Variants in PCDH9 observed in about 807,000 individuals in gnomAD.
PCDH9 encodes protocadherin 9.
Under a neutral mutation model 70.6 loss-of-function variants are expected in PCDH9, and 24 were observed. That is an observed-to-expected ratio of 0.34 (90% CI 0.25 to 0.48). The LOEUF (loss-of-function observed/expected upper bound fraction) is 0.48, where lower values mean the gene tolerates loss of function less well. PCDH9 is among the 20% of genes least tolerant of loss of function. The pLI is 0.99. For synonymous variants in PCDH9, 562 were observed against 558.5 expected, an observed-to-expected ratio of 1.01 and a Z score of -0.09; for missense variants, 1,281 against 1,503.6, an observed-to-expected ratio of 0.85 and a Z score of 2.45.
intron 2 of PCDH9, among the ~76,000 whole-genome samples, chr13:66,982,637 G>A (rs753909742): frequency 2.0e-5 from 3 of 152,112 alleles, no homozygotes; most frequent in Non-Finnish European, 4.4e-5. Context: ...TCTCAGAAAT[G>A]TCTTAGATAA....
intron 4 of PCDH9, among the ~76,000 whole-genome samples, chr13:66,418,887 T>TA (rs1324728742): frequency 6.6e-6 from 1 of 151,854 alleles, no homozygotes; most frequent in Non-Finnish European, 1.5e-5. Flanking sequence ...AATAGACATG[T>TA]AAAAAAATGA....
intron 3 of PCDH9, among the ~76,000 whole-genome samples, chr13:66,845,218 G>C (rs2081186529): frequency 6.6e-6 from 1 of 152,186 alleles, no homozygotes; most frequent in South Asian, 2.1e-4. Context: ...CTTATGCTAA[G>C]GGGCAGCTGT....
At chr13:66,817,424 C>T (rs1014719003) in intron 3 of PCDH9, among the ~76,000 whole-genome samples, 1 of 151,846 alleles carries the variant, frequency 6.6e-6, no homozygotes, top group Non-Finnish European at 1.5e-5. Flanking sequence ...TCTAATGAAC[C>T]CTTCACAATA....
intron 4 of PCDH9, among the ~76,000 whole-genome samples, chr13:66,445,850 A>C (rs2094739397): frequency 6.7e-6 from 1 of 149,008 alleles, no homozygotes; most frequent in Non-Finnish European, 1.5e-5. Flanking sequence ...AAGCATACAC[A>C]TATATAAAGA....
intron 2 of PCDH9, among the ~76,000 whole-genome samples, chr13:67,097,828 T>C (rs2086354864): frequency 6.6e-6 from 1 of 152,074 alleles, no homozygotes; most frequent in South Asian, 2.1e-4. Context: ...TGTTGTGGGG[T>C]ATATTACAAG....
At chr13:66,828,518 G>T (rs775117473) in intron 3 of PCDH9, among the ~76,000 whole-genome samples, 22 of 151,992 alleles carry the variant, frequency 1.4e-4, no homozygotes, top group Non-Finnish European at 2.5e-4. Context: ...TAAGCCATGG[G>T]CATCTATAAA....
At chr13:66,544,497 A>G (rs1566405599) in intron 4 of PCDH9, among the ~76,000 whole-genome samples, 1 of 152,204 alleles carries the variant, frequency 6.6e-6, no homozygotes, top group Non-Finnish European at 1.5e-5. Flanking sequence ...CCAGGAAAGA[A>G]TTCAAGAAAG....
At chr13:66,708,237 G>C (rs573808802) in intron 3 of PCDH9, among the ~76,000 whole-genome samples, 2 of 151,308 alleles carry the variant, frequency 1.3e-5, no homozygotes, top group African/African-American at 2.4e-5. Flanking sequence ...TTTTAGTAGA[G>C]ACGGGGTTTC....
At chr13:66,859,619 A>G (rs1434266933) in intron 3 of PCDH9, among the ~76,000 whole-genome samples, 1 of 152,222 alleles carries the variant, frequency 6.6e-6, no homozygotes, top group Non-Finnish European at 1.5e-5. Context: ...ATACTGTTTC[A>G]GGTAAAGTAA....
In PCDH9 at chr13:66,783,835, T is replaced by C. The variant is rs190015773; in HGVS notation, c.3138+119669A>G. On this transcript the variant is annotated intron_variant, in intron 3 of 4. Transcript: ENST00000377865. ...TTACTTTAGGTACAACATAACAGTA[T>C]TAAAATACCTTTAGTATTATCAAAC... Among the ~76,000 whole-genome samples the C allele has an allele frequency of 2.8e-3, 420 of 152,276 alleles. 2 individuals are homozygous for C. Among genetic ancestry groups the C allele is most frequent in the African/African-American group, 9.6e-3 (401 of 41,566 alleles).
At chr13:67,041,813 A>G (rs2085120143) in intron 2 of PCDH9, among the ~76,000 whole-genome samples, 1 of 139,910 alleles carries the variant, frequency 7.1e-6, no homozygotes. Flanking sequence ...CCTGGGCCAC[A>G]GAGTGAGACT....
intron 2 of PCDH9, among the ~76,000 whole-genome samples, chr13:67,008,902 T>C (rs748143977): frequency 6.7e-4 from 102 of 152,132 alleles, no homozygotes; most frequent in Non-Finnish European, 1.2e-3. Flanking sequence ...TAAATTCTCA[T>C]AGAACAAGAA....
At chr13:66,737,431 T>A (rs190028394) in intron 3 of PCDH9, among the ~76,000 whole-genome samples, 20 of 152,110 alleles carry the variant, frequency 1.3e-4, no homozygotes, top group Non-Finnish European at 2.5e-4. Flanking sequence ...CCCACATGAG[T>A]TGGCAGTCTA....
chr13:66,322,513 C>A (rs1166501267), intron 4 of PCDH9, among the ~76,000 whole-genome samples: 2 of 151,970 alleles, frequency 1.3e-5, no homozygotes, highest in African/African-American at 4.8e-5. Context: ...TATGATTTAC[C>A]ATCTTGCACT....
chr13:66,382,390 TGGTTAC>T (rs2138245511), intron 4 of PCDH9, among the ~76,000 whole-genome samples: 1 of 151,866 alleles, frequency 6.6e-6, no homozygotes, highest in East Asian at 1.9e-4. Context: ...GCAGGGTTGG[TGGTTAC>T]TCAGAAAATA....
At chr13:66,996,112 G>T (rs1159619668) in intron 2 of PCDH9, 1 of 152,154 alleles carries the variant, frequency 6.6e-6, no homozygotes, top group Non-Finnish European at 1.5e-5. Context: ...TCTTATCTGA[G>T]AGGCACAAGG....
intron 2 of PCDH9, among the ~76,000 whole-genome samples, chr13:66,927,388 G>C (rs2082733805): frequency 6.6e-6 from 1 of 151,908 alleles, no homozygotes; most frequent in African/African-American, 2.4e-5. Context: ...CCTCTTCGAG[G>C]GTGGAGGATA....
chr13:66,594,650 A>C (rs2077080163), intron 4 of PCDH9, among the ~76,000 whole-genome samples: 1 of 151,302 alleles, frequency 6.6e-6, no homozygotes, highest in Non-Finnish European at 1.5e-5. Context: ...ATTTTTCCTA[A>C]TGCTCTCCCC....
chr13:66,418,570 C>T (rs1957503483), intron 4 of PCDH9, among the ~76,000 whole-genome samples: 1 of 152,186 alleles, frequency 6.6e-6, no homozygotes, highest in Non-Finnish European at 1.5e-5. Context: ...ATACTAGAAT[C>T]TCTGGGACAC....
Sources: allele counts gnomAD v4.1 joint callset (sites outside exome capture counted in the v4.1 genomes callset), GRCh38; gene constraint gnomAD v4.1.1; transcripts MANE v1.5; gene names NCBI Gene and HGNC (gene_info 2026-07-23, HGNC 2026-07-21).